TXNL4A: variants seen among roughly 807,000 people sequenced by gnomAD.
The protein encoded by TXNL4A is thioredoxin-like protein 4A.
TXNL4A carries 17 observed loss-of-function variants against 14.6 expected under a neutral mutation model. The observed-to-expected ratio is 1.16, with a 90% CI of 0.80 to 1.74. The LOEUF is 1.74. Among genes scored for constraint, TXNL4A ranks in the 40% most tolerant of loss-of-function variants. The pLI is 0.00. For synonymous variants in TXNL4A, 83 were observed against 70.6 expected, an observed-to-expected ratio of 1.18 and a Z score of -0.88; for missense variants, 74 against 195.2, an observed-to-expected ratio of 0.38 and a Z score of 3.70.
intron 1 of TXNL4A, among the ~76,000 whole-genome samples, chr18:80,005,052 C>A (rs1425782602): frequency 1.3e-5 from 2 of 152,260 alleles, no homozygotes; most frequent in Non-Finnish European, 2.9e-5. Flanking sequence ...AGTTCAAACA[C>A]AGGCAAAGCC....
chr18:80,013,586 C>T (rs1426687377), intron 1 of TXNL4A, among the ~76,000 whole-genome samples: 1 of 152,174 alleles, frequency 6.6e-6, no homozygotes, highest in Non-Finnish European at 1.5e-5. Context: ...TGGCATGCGC[C>T]ACCACGCCCG....
chr18:79,981,924 T>C (rs2051470470), intron 1 of TXNL4A, among the ~76,000 whole-genome samples: 1 of 151,054 alleles, frequency 6.6e-6, no homozygotes, highest in Non-Finnish European at 1.5e-5. Flanking sequence ...GGATTCTAAT[T>C]CTTTCAACAC....
chr18:79,998,315 CT>C (rs2051676302), intron 1 of TXNL4A, among the ~76,000 whole-genome samples: 1 of 151,572 alleles, frequency 6.6e-6, no homozygotes, highest in Non-Finnish European at 1.5e-5. Flanking sequence ...AAGAAAGAAA[CT>C]GGATACCAAA....
chr18:80,006,170 G>A (rs1430545223), intron 1 of TXNL4A, among the ~76,000 whole-genome samples: 9 of 152,050 alleles, frequency 5.9e-5, no homozygotes, highest in African/African-American at 2.2e-4. Flanking sequence ...CGGATCACGA[G>A]GTCAGGAGTT....
intron 1 of TXNL4A, among the ~76,000 whole-genome samples, chr18:79,980,795 G>A (rs2051452271): frequency 6.6e-6 from 1 of 152,110 alleles, no homozygotes; most frequent in South Asian, 2.1e-4. Context: ...CGCCATCCAT[G>A]TGCTTTCAAA....
chr18:80,008,981 T>C (rs2145112989), intron 1 of TXNL4A, among the ~76,000 whole-genome samples: 1 of 151,938 alleles, frequency 6.6e-6, no homozygotes, highest in East Asian at 1.9e-4. Flanking sequence ...TGTCACCATA[T>C]TGGCCAGGCT....
chr18:80,016,856 G>T (rs1415039748), intron 1 of TXNL4A, among the ~76,000 whole-genome samples: 3 of 150,012 alleles, frequency 2.0e-5, no homozygotes, highest in African/African-American at 7.3e-5. Context: ...GCTCTTTTTT[G>T]GTTCCATATG....
chr18:79,992,664 G>A (rs1477820973), upstream of TXNL4A, among the ~76,000 whole-genome samples: 2 of 152,002 alleles, frequency 1.3e-5, no homozygotes, highest in Non-Finnish European at 2.9e-5. Flanking sequence ...GAAATTCCTG[G>A]TGAGCTCCAA....
At chr18:79,999,632 G>C (rs771363646) in intron 1 of TXNL4A, among the ~76,000 whole-genome samples, 36 of 151,692 alleles carry the variant, frequency 2.4e-4, no homozygotes, top group Non-Finnish European at 4.9e-4. Flanking sequence ...CAGAAGTTCA[G>C]GGTAACCAAT....
rs2051333228 is a variant in TXNL4A, at chr18:79,973,614, C to T, written c.*71G>A. 6.5e-7 allele frequency: 1 copy of T among 1,532,170 alleles called. No individual in the cohort carries two copies. Among genetic ancestry groups the T allele is most frequent in the African/African-American group, 1.4e-5 (1 of 72,078 alleles). 94.9% of individuals were successfully genotyped at this position (1,532,170 alleles called of 1,614,324 possible). On this transcript the variant is annotated 3_prime_UTR_variant, in exon 3 of 3. Transcript: ENST00000269601. ...TGGAGCTTCCTGTATTTTCCAAAGG[C>T]TTTAAATAGCTTAAAACGTTTCCAT...
chr18:80,033,819 G>A (rs996648112), intron 1 of TXNL4A: 2 of 6,582 alleles, frequency 3.0e-4, no homozygotes, highest in Non-Finnish European at 6.9e-4. Flanking sequence ...CCCCGCCCCC[G>A]TTGCCGCCCC....
At chr18:80,032,530 T>C (rs1458479173) in intron 1 of TXNL4A, among the ~76,000 whole-genome samples, 2 of 152,196 alleles carry the variant, frequency 1.3e-5, no homozygotes, top group East Asian at 3.9e-4. Context: ...AGGAGATTCC[T>C]GGTGAGCTGT....
chr18:79,976,099 A>T (rs2051375266), intron 2 of TXNL4A, among the ~76,000 whole-genome samples: 1 of 152,158 alleles, frequency 6.6e-6, no homozygotes, highest in Non-Finnish European at 1.5e-5. Context: ...TGTCCAGGGG[A>T]GCGTATCCCG....
intron 1 of TXNL4A, among the ~76,000 whole-genome samples, chr18:80,009,346 C>T (rs949953353): frequency 5.9e-5 from 9 of 152,170 alleles, no homozygotes; most frequent in African/African-American, 1.9e-4. Context: ...AACATTTTGA[C>T]TTTTCCATAT....
At chr18:79,975,911 G>T (rs576380442) in intron 2 of TXNL4A, among the ~76,000 whole-genome samples, 1 of 152,304 alleles carries the variant, frequency 6.6e-6, no homozygotes, top group South Asian at 2.1e-4. Context: ...AGCCTCTCCG[G>T]ATGGCCAAAG....
chr18:80,015,506 C>A (rs1412669867), intron 1 of TXNL4A, among the ~76,000 whole-genome samples: 1 of 151,344 alleles, frequency 6.6e-6, no homozygotes, highest in Non-Finnish European at 1.5e-5. Flanking sequence ...TGCTATCCCT[C>A]CCCCCTACCC....
In TXNL4A at chr18:79,977,737, G is replaced by C. The variant is rs1273239346; in HGVS notation, c.154-36C>G. The C allele has an allele frequency of 2.4e-6, 3 of 1,255,486 alleles. No individual in the cohort carries two copies. In the East Asian group the frequency reaches 7.0e-5, roughly 29 times the overall value. 77.8% of individuals were successfully genotyped at this position (1,255,486 alleles called of 1,614,324 possible). A position where few individuals can be genotyped will look rare whatever the true frequency, so the allele number is the denominator to read the frequency against. On this transcript the variant is annotated intron_variant, in intron 1 of 2. Transcript: ENST00000269601. ...ATTAAAAAAAAAAACTGAAATAACA[G>C]AACACTTTGGCTTTCATTTTATAGA...
chr18:79,974,955 A>T lies in TXNL4A; in HGVS notation c.258-1099T>A, dbSNP rs189470183. 2.1e-3 allele frequency among the ~76,000 whole-genome samples: 325 copies of T among 152,250 alleles called. 2 individuals are homozygous for T. Among genetic ancestry groups the T allele is most frequent in the Middle Eastern group, 0.01 (3 of 294 alleles). ...TGGCTTCCACCTACTATTCCGTAGA[A>T]AGTATTCCCCGTGAAGTCTCTGGTT... is the stretch of plus-strand genomic sequence containing the variant. On this transcript the variant is annotated intron_variant, in intron 2 of 2. Coordinates refer to ENST00000269601, the MANE Select transcript of TXNL4A (RefSeq NM_006701.5).
At chr18:79,995,368 T>C (rs1336238714) in intron 1 of TXNL4A, 2 of 152,252 alleles carry the variant, frequency 1.3e-5, no homozygotes, top group Non-Finnish European at 2.9e-5. Context: ...GAACGATGAC[T>C]GTTCTGTTAA....
Sources: allele counts gnomAD v4.1 joint callset (sites outside exome capture counted in the v4.1 genomes callset), GRCh38; gene constraint gnomAD v4.1.1; transcripts MANE v1.5; gene names NCBI Gene and HGNC (gene_info 2026-07-23, HGNC 2026-07-21).